MS4A4E: variants seen among roughly 807,000 people sequenced by gnomAD.
MS4A4E encodes putative membrane-spanning 4-domains subfamily A member 4E.
MS4A4E carries 23 observed loss-of-function variants against 13.3 expected under a neutral mutation model. The ratio of observed to expected loss-of-function variants is 1.73; its 90% confidence interval spans 1.25 to 2.45. The LOEUF (loss-of-function observed/expected upper bound fraction) is 2.45. MS4A4E is among the 30% of genes most tolerant of loss of function. The probability of loss-of-function intolerance (pLI) is 0.00; values close to 1 mark genes in which losing one functional copy is unlikely to be tolerated. For missense variants in MS4A4E, 144 were observed against 131.2 expected, an observed-to-expected ratio of 1.10 and a Z score of -0.48; for synonymous variants, 36 against 45.6, an observed-to-expected ratio of 0.79 and a Z score of 0.85.
At chr11:60,217,960 G>A (rs2084217532) in intron 3 of MS4A4E, among the ~76,000 whole-genome samples, 1 of 152,190 alleles carries the variant, frequency 6.6e-6, no homozygotes, top group South Asian at 2.1e-4. Flanking sequence ...CTGACCACCG[G>A]TGAGCCGGGC....
At chr11:60,224,666 C>T (rs2084318243) in intron 3 of MS4A4E, among the ~76,000 whole-genome samples, 1 of 152,104 alleles carries the variant, frequency 6.6e-6, no homozygotes, top group Non-Finnish European at 1.5e-5. Context: ...AATGATAAGC[C>T]CCTAATCTTG....
At position 60,242,862 on chromosome 11, in the gene MS4A4E, A is replaced by T. The variant is rs2084567879; in HGVS notation, c.-17+96T>A. On this transcript the variant is annotated intron_variant, in intron 1 of 8. Transcript: ENST00000651255. ...AGCTTGGGTCATGGGAAGTGACCTC[A>T]TTTTTTTTTCTCACTCCACTCCCAG... The T allele has an allele frequency of 4.6e-6, 4 of 866,762 alleles. No homozygotes were observed. In the African/African-American group the frequency reaches 6.9e-5, roughly 15 times the overall value. The allele number at this position is 866,762 out of a possible 1,614,324, so 53.7% of individuals were successfully genotyped here.
intron 1 of MS4A4E, among the ~76,000 whole-genome samples, chr11:60,239,902 A>C (rs1207794669): frequency 6.6e-6 from 1 of 152,232 alleles, no homozygotes; most frequent in African/African-American, 2.4e-5. Context: ...GCTGAACTTG[A>C]GAGAATTGTC....
At chr11:60,217,141 C>G (rs1055937774) in intron 3 of MS4A4E, among the ~76,000 whole-genome samples, 1 of 152,092 alleles carries the variant, frequency 6.6e-6, no homozygotes, top group Non-Finnish European at 1.5e-5. Flanking sequence ...GCTTCAGAAG[C>G]AGATACTGAG....
intron 4 of MS4A4E, 61 bp from the exon 5 acceptor site, chr11:60,213,193 AT>A: frequency 8.7e-7 from 1 of 1,146,002 alleles, no homozygotes; most frequent in Non-Finnish European, 1.2e-6. Flanking sequence ...ATCTCTGTTA[AT>A]TACTTTACAC....
chr11:60,229,875 C>T, intron 2 of MS4A4E, 37 bp downstream of exon 2: 1 of 1,561,040 alleles, frequency 6.4e-7, no homozygotes. Flanking sequence ...GAGTTTACAA[C>T]ACTATTGGTC....
chr11:60,222,771 C>T (rs995672939), intron 3 of MS4A4E, among the ~76,000 whole-genome samples: 1 of 152,072 alleles, frequency 6.6e-6, no homozygotes, highest in African/African-American at 2.4e-5. Context: ...GCCACCTGGC[C>T]ATTTTGGGCT....
chr11:60,242,817 C>CCA, intron 1 of MS4A4E, 141 bp downstream of exon 1: 1 of 520,962 alleles, frequency 1.9e-6, no homozygotes, highest in Admixed American at 3.8e-5. Flanking sequence ...TGCACTCAAT[C>CCA]CACCCCAACC....
intron 1 of MS4A4E, among the ~76,000 whole-genome samples, chr11:60,239,877 A>G (rs1438582374): frequency 6.6e-6 from 1 of 152,246 alleles, no homozygotes; most frequent in African/African-American, 2.4e-5. Flanking sequence ...AACTGAATCC[A>G]TACCCTCAAA....
chr11:60,225,176 T>G, intron 3 of MS4A4E: 2 of 1,295,326 alleles, frequency 1.5e-6, no homozygotes, highest in Non-Finnish European at 2.0e-6. Context: ...TAAGCTATCC[T>G]TATTCTTTTT....
At chr11:60,241,235 A>G (rs1157112449) in intron 1 of MS4A4E, among the ~76,000 whole-genome samples, 2 of 152,200 alleles carry the variant, frequency 1.3e-5, no homozygotes. Flanking sequence ...CGTGTTAGCC[A>G]GGATGGTCTC....
chr11:60,235,533 G>A (rs1358298910), intron 1 of MS4A4E, among the ~76,000 whole-genome samples: 1 of 152,158 alleles, frequency 6.6e-6, no homozygotes, highest in Admixed American at 6.6e-5. Context: ...ACTACTTGTA[G>A]GGTTGTGAAA....
At chr11:60,231,962 T>C (rs939239052) in intron 1 of MS4A4E, among the ~76,000 whole-genome samples, 6 of 125,558 alleles carry the variant, frequency 4.8e-5, no homozygotes, top group African/African-American at 1.7e-4. Context: ...ATCACAAAAA[T>C]GAAAAGTTAA....
In MS4A4E at chr11:60,208,641, C is replaced by T; in HGVS notation, c.435G>A (p.Val145=). The part of the protein sequence containing the change: ...LLSVLEFCIA[V]ALSAFGCKVL... The stretch of plus-strand genomic sequence containing the variant: ...CTTTACATCCAAAGGCAGAGAGGGC[C>T]ACAGCAATGCAGAATTCCAGCACAC... The change falls in exon 6 of 9, where the codon GTG becomes GTA. Residue 145 remains valine (V), a synonymous_variant. Coordinates refer to ENST00000651255, the MANE Select transcript of MS4A4E (RefSeq NM_001393391.1). 2.0e-6 allele frequency: 3 copies of T among 1,480,940 alleles called. No homozygotes were observed. The highest frequency in any genetic ancestry group is 2.8e-6 in the Non-Finnish European group (3 of 1,066,700). The allele number at this position is 1,480,940 out of a possible 1,614,324, so 91.7% of individuals were successfully genotyped here. A position where few individuals can be genotyped will look rare whatever the true frequency, so the allele number is the denominator to read the frequency against.
At chr11:60,242,850 G>C (rs569495233) in intron 1 of MS4A4E, 108 bp downstream of exon 1, 1 of 730,596 alleles carries the variant, frequency 1.4e-6, no homozygotes, top group Non-Finnish European at 2.2e-6. Context: ...TTGGGTCATG[G>C]GAAGTGACCT....
At chr11:60,224,074 G>T (rs543897221) in intron 3 of MS4A4E, among the ~76,000 whole-genome samples, 5 of 152,182 alleles carry the variant, frequency 3.3e-5, no homozygotes, top group African/African-American at 1.2e-4. Flanking sequence ...ACCCTATAAT[G>T]CTAGAATAGA....
chr11:60,211,723 G>T (rs2084123756), intron 5 of MS4A4E, among the ~76,000 whole-genome samples: 1 of 152,172 alleles, frequency 6.6e-6, no homozygotes, highest in African/African-American at 2.4e-5. Context: ...GACCAGGCTG[G>T]CCAACATGGA....
chr11:60,227,353 C>A (rs181463485), intron 3 of MS4A4E, among the ~76,000 whole-genome samples: 1 of 152,042 alleles, frequency 6.6e-6, no homozygotes, highest in Non-Finnish European at 1.5e-5. Flanking sequence ...AGATTGAGAC[C>A]ATCCTGGCTA....
At position 60,220,069 on chromosome 11, in the gene MS4A4E, G is replaced by A. The variant is rs913883045; in HGVS notation, c.179-5455C>T. ...GGAAAAGGCCAAATGGAAGCCATTA[G>A]AGCTGCCTCTACCTAGAAAAGCAGT... is the stretch of plus-strand genomic sequence containing the variant. On this transcript the variant is annotated intron_variant, in intron 3 of 8. Transcript: ENST00000651255. Among the ~76,000 whole-genome samples, 7 of 152,294 alleles carry A rather than the reference G, an allele frequency of 4.6e-5. No homozygotes were observed. In the East Asian group the frequency reaches 1.4e-3, roughly 29 times the overall value.
Sources: allele counts gnomAD v4.1 joint callset (sites outside exome capture counted in the v4.1 genomes callset), GRCh38; gene constraint gnomAD v4.1.1; transcripts MANE v1.5; gene names NCBI Gene and HGNC (gene_info 2026-07-23, HGNC 2026-07-21).